TGM5: variants seen among roughly 807,000 people sequenced by gnomAD.
The protein encoded by TGM5 is transglutaminase 5.
Under a neutral mutation model 77.2 loss-of-function variants are expected in TGM5, and 69 were observed. The ratio of observed to expected loss-of-function variants is 0.89; its 90% CI spans 0.74 to 1.09. TGM5 has a LOEUF of 1.09. TGM5 is among the 50% of genes least tolerant of loss of function. TGM5 has a pLI of 0.00. For synonymous variants in TGM5, 346 were observed against 351.8 expected, an observed-to-expected ratio of 0.98 and a Z score of 0.18; for missense variants, 842 against 896.5, an observed-to-expected ratio of 0.94 and a Z score of 0.78.
rs781568266 is a variant in TGM5 at position 43,234,817 on chromosome 15, G to A, written c.1827C>T (p.Ile609=). ...LGEEKSSPEK[I]LVNKIITLSY... ...ATAAGGTGATGATCTTGTTCACCAG[G>A]ATTTTCTCAGGACTGCTTTTCTCTT... is the stretch of plus-strand genomic sequence containing the variant. Residue 609 remains isoleucine, a synonymous_variant, in exon 11 of 13, where the codon ATC becomes ATT. Transcript: ENST00000220420. The A allele has an allele frequency of 6.2e-7, 1 of 1,614,250 alleles. No homozygotes were observed. The highest frequency in any genetic ancestry group is 8.5e-7 in the Non-Finnish European group (1 of 1,180,044).
intron 7 of TGM5, among the ~76,000 whole-genome samples, chr15:43,240,046 G>A (rs1235862061): frequency 6.6e-6 from 1 of 152,072 alleles, no homozygotes; most frequent in Non-Finnish European, 1.5e-5. Flanking sequence ...TTAAAATCTC[G>A]CCTCCCCAAG....
At chr15:43,234,620 A>G in intron 11 of TGM5, 149 bp downstream of exon 11, 5 of 989,060 alleles carry the variant, frequency 5.1e-6, no homozygotes, top group Non-Finnish European at 7.8e-6. Context: ...GATCTCTCAG[A>G]CAAACTTCTC....
At chr15:43,252,021 C>T (rs986936317) in intron 6 of TGM5, among the ~76,000 whole-genome samples, 9 of 152,364 alleles carry the variant, frequency 5.9e-5, no homozygotes, top group African/African-American at 2.2e-4. Flanking sequence ...ATGGCCCACA[C>T]CACAGCCCTG....
In TGM5 at chr15:43,233,199, C is replaced by T. The variant is rs1254130043; in HGVS notation, c.2155G>A (p.Ala719Thr). The change falls in exon 13 of 13, where the codon GCA becomes ACA. Residue 719 changes from alanine (A) to threonine (T), a missense_variant. Physicochemically the swap from Ala to Thr is moderately conservative, Grantham distance 58 (BLOSUM62 0). Transcript: ENST00000220420. ...KGYRNVYVDF[A>T]L ...GCGCGTTGTTCCAGAATTTATAATG[C>T]AAAGTCTACATAAACATTCCTGTAA... 2 of 1,614,148 alleles carry T rather than the reference C, an allele frequency of 1.2e-6. No individual in the cohort carries two copies. The highest frequency in any genetic ancestry group is 1.7e-6 in the Non-Finnish European group (2 of 1,180,032).
chr15:43,245,912 C>T (rs1188700915), intron 6 of TGM5, among the ~76,000 whole-genome samples: 1 of 145,804 alleles, frequency 6.9e-6, no homozygotes, highest in African/African-American at 2.6e-5. Context: ...GGGGGGGGGT[C>T]TTAAATGGCA....
chr15:43,234,820 T>C lies in TGM5; in HGVS notation c.1824A>G (p.Lys608=). 6.2e-7 allele frequency: 1 copy of C among 1,614,222 alleles called. No individual in the cohort carries two copies. The highest frequency in any genetic ancestry group is 8.5e-7 in the Non-Finnish European group (1 of 1,180,044). ...AGGTGATGATCTTGTTCACCAGGAT[T>C]TTCTCAGGACTGCTTTTCTCTTCAC... ...ALGEEKSSPE[K]ILVNKIITLS... is the part of the protein sequence containing the mutation. The change falls in exon 11 of 13, where the codon AAA becomes AAG. Residue 608 remains lysine, a synonymous_variant. Coordinates refer to ENST00000220420, the MANE Select transcript of TGM5 (RefSeq NM_201631.4).
In TGM5 at chr15:43,252,871, G is replaced by T; in HGVS notation, c.750C>A (p.Ala250=). 6.2e-7 allele frequency: 1 copy of T among 1,613,788 alleles called. No homozygotes were observed. Among genetic ancestry groups the T allele is most frequent in the East Asian group, 2.2e-5 (1 of 44,896 alleles). Residue 250 remains alanine (A), a synonymous_variant, in exon 6 of 13, where the codon GCC becomes GCA. Transcript: ENST00000220420. ...CGCTGCCCGTCCACTCCGCAGGGTT[G>T]GCGCCGTCTGTGTAATTCTCACTCC... is the stretch of plus-strand genomic sequence containing the variant. The part of the protein sequence containing the change: ...GNWSENYTDG[A]NPAEWTGSVA...
intron 9 of TGM5, among the ~76,000 whole-genome samples, chr15:43,237,150 C>A (rs1171209226): frequency 6.6e-6 from 1 of 152,144 alleles, no homozygotes; most frequent in Non-Finnish European, 1.5e-5. Context: ...CCCCCTGAGT[C>A]CACAGGGGAC....
Position 43,235,658 on chromosome 15 carries a change from G to C in TGM5, c.1525C>G (p.Leu509Val). 2 of 1,614,186 alleles carry C rather than the reference G, an allele frequency of 1.2e-6. No homozygotes were observed. Among genetic ancestry groups the C allele is most frequent in the Non-Finnish European group, 1.7e-6 (2 of 1,180,038 alleles). ...LRPSDVVQVS[L>V]KFKLLDPPNM... Reference sequence around the variant, plus strand: ...GGCGGGTCGAGCAGCTTGAATTTCAGGGAGACTTGCACCACATCACTGGGT... The same window carrying C: ...GGCGGGTCGAGCAGCTTGAATTTCACGGAGACTTGCACCACATCACTGGGT... The change falls in exon 10 of 13, where the codon CTG (leucine) becomes GTG (valine). Residue 509 changes from leucine (L) to valine (V), a missense_variant. Coordinates refer to ENST00000220420, the MANE Select transcript of TGM5 (RefSeq NM_201631.4).
chr15:43,264,897 T>G (rs2042814502), intron 1 of TGM5, among the ~76,000 whole-genome samples: 1 of 152,250 alleles, frequency 6.6e-6, no homozygotes, highest in Admixed American at 6.5e-5. Context: ...AACACACATC[T>G]GTTTCATAAA....
intron 3 of TGM5, 42 bp downstream of exon 3, chr15:43,260,010 A>T (rs2042772559): frequency 1.2e-6 from 2 of 1,611,616 alleles, no homozygotes; most frequent in Non-Finnish European, 1.7e-6. Flanking sequence ...GGCAGCACTG[A>T]CAGAAGAGAA....
chr15:43,252,571 C>G (rs1247471693), intron 6 of TGM5, among the ~76,000 whole-genome samples, 188 bp downstream of exon 6: 1 of 152,166 alleles, frequency 6.6e-6, no homozygotes, highest in Admixed American at 6.5e-5. Context: ...CCACCTCGGG[C>G]TCCCAAAGTG....
chr15:43,243,695 C>G (rs1461372380), intron 6 of TGM5, among the ~76,000 whole-genome samples: 1 of 152,148 alleles, frequency 6.6e-6, no homozygotes, highest in Non-Finnish European at 1.5e-5. Flanking sequence ...GCTTTCTCTC[C>G]CACTTCTGTG....
rs779940548 is a variant in TGM5 at position 43,260,313 on chromosome 15, A to G, written c.191-16T>C. 6 of 1,614,068 alleles carry G rather than the reference A, an allele frequency of 3.7e-6. No individual in the cohort carries two copies. The highest frequency in any genetic ancestry group is 5.1e-6 in the Non-Finnish European group (6 of 1,180,002). On this transcript the variant is annotated splice_polypyrimidine_tract_variant and intron_variant, in intron 2 of 12. Coordinates refer to ENST00000220420, the MANE Select transcript of TGM5 (RefSeq NM_201631.4). ...GGCAGCGGTCCTAGGAGGGAAGTAG[A>G]GCTGAGGCCCTCCATGGCGACCTCC... is the stretch of plus-strand genomic sequence containing the variant.
rs753406940 is a variant in TGM5, at chr15:43,252,953, T to G, written c.685-17A>C. Reference sequence around the variant, plus strand: ...GCTGTTGATCTGAAGAGAAGCCATATAGAGAAGTGTTAGAAACATCCATTT... The same window carrying G: ...GCTGTTGATCTGAAGAGAAGCCATAGAGAGAAGTGTTAGAAACATCCATTT... On this transcript the variant is annotated splice_polypyrimidine_tract_variant and intron_variant, in intron 5 of 12. Transcript: ENST00000220420. 3.7e-6 allele frequency: 6 copies of G among 1,611,538 alleles called. No individual in the cohort carries two copies. The highest frequency in any genetic ancestry group is 3.4e-6 in the Non-Finnish European group (4 of 1,179,882).
At chr15:43,245,733 A>T (rs2042664966) in intron 6 of TGM5, among the ~76,000 whole-genome samples, 1 of 152,192 alleles carries the variant, frequency 6.6e-6, no homozygotes. Flanking sequence ...GGAAATGGAA[A>T]CAAGGATATC....
chr15:43,242,145 A>G (rs1379251360), intron 6 of TGM5, among the ~76,000 whole-genome samples: 1 of 152,234 alleles, frequency 6.6e-6, no homozygotes, highest in Non-Finnish European at 1.5e-5. Flanking sequence ...TTTGAAGACA[A>G]AGAATCAGAG....
intron 6 of TGM5, among the ~76,000 whole-genome samples, chr15:43,250,087 A>G (rs1330407561): frequency 6.6e-6 from 1 of 152,196 alleles, no homozygotes; most frequent in Non-Finnish European, 1.5e-5. Flanking sequence ...GCTGCTAGCA[A>G]TGTTCATGAG....
At chr15:43,246,345 C>T (rs1466253452) in intron 6 of TGM5, among the ~76,000 whole-genome samples, 1 of 152,138 alleles carries the variant, frequency 6.6e-6, no homozygotes, top group Non-Finnish European at 1.5e-5. Context: ...CAGCCTGTAG[C>T]CTCGTCCCCC....
Sources: allele counts gnomAD v4.1 joint callset (sites outside exome capture counted in the v4.1 genomes callset), GRCh38; gene constraint gnomAD v4.1.1; transcripts MANE v1.5; gene names NCBI Gene and HGNC (gene_info 2026-07-23, HGNC 2026-07-21).